Variants in NLE1 observed in about 807,000 individuals in gnomAD.
NLE1 encodes notchless protein homolog 1.
NLE1 carries 37 observed loss-of-function variants against 62.8 expected under a neutral mutation model. That is an observed-to-expected ratio of 0.59 (90% CI 0.45 to 0.78). The LOEUF (loss-of-function observed/expected upper bound fraction) is 0.78. NLE1 is among the 30% of genes least tolerant of loss of function. The pLI, the probability that NLE1 is intolerant of heterozygous loss-of-function variation, is 0.00. For synonymous variants in NLE1, 243 were observed against 253.0 expected (o/e 0.96, Z 0.37); for missense variants, 555 against 637.9 (o/e 0.87, Z 1.40).
Position 35,129,495 on chromosome 17 carries a change from C to T in NLE1, c.*2942G>A. The T allele has an allele frequency of 1.9e-6, 3 of 1,614,220 alleles. No individual in the cohort carries two copies. The highest frequency in any genetic ancestry group is 2.5e-6 in the Non-Finnish European group (3 of 1,180,038). On this transcript the variant is annotated 3_prime_UTR_variant, in exon 13 of 13. Transcript: ENST00000442241. Reference sequence around the variant, plus strand: ...CTCCTGTTACAGGAGGTGGCCAAGACACAGGAGAATGAGTTGCCCGAGGCA... The same window carrying T: ...CTCCTGTTACAGGAGGTGGCCAAGATACAGGAGAATGAGTTGCCCGAGGCA...
At chr17:35,134,682 G>A (rs940050635) in intron 10 of NLE1, among the ~76,000 whole-genome samples, 2 of 152,164 alleles carry the variant, frequency 1.3e-5, no homozygotes, top group Admixed American at 6.5e-5. Flanking sequence ...TTATGGGCAT[G>A]AGCCACCACG....
intron 12 of NLE1, 130 bp from the exon 13 acceptor site, chr17:35,132,579 C>G: frequency 1.3e-6 from 1 of 761,538 alleles, no homozygotes; most frequent in South Asian, 4.3e-5. Flanking sequence ...AGGTGACCGT[C>G]CCTGCTCTGC....
rs1567741835 is a variant in NLE1 at position 35,129,889 on chromosome 17, A to G, written c.*2548T>C. 4 of 1,407,654 alleles carry G rather than the reference A, an allele frequency of 2.8e-6. No individual in the cohort carries two copies. Among genetic ancestry groups the G allele is most frequent in the Non-Finnish European group, 3.7e-6 (4 of 1,083,552 alleles). The allele number at this position is 1,407,654 out of a possible 1,614,324, so 87.2% of individuals were successfully genotyped here. ...AACGAATGTATTTTTCAACATCACT[A>G]TAATGTTCCCCTTCCAAAGCCATTG... is the stretch of plus-strand genomic sequence containing the variant. On this transcript the variant is annotated 3_prime_UTR_variant, in exon 13 of 13. Coordinates refer to ENST00000442241, the MANE Select transcript of NLE1 (RefSeq NM_018096.5).
In NLE1 at chr17:35,130,410, T is replaced by A; in HGVS notation, c.*2027A>T. On this transcript the variant is annotated 3_prime_UTR_variant, in exon 13 of 13. Coordinates refer to ENST00000442241, the MANE Select transcript of NLE1 (RefSeq NM_018096.5). ...CGGAGGAGATGCGGAGGCTGGAGGA[T>A]CTGGAATACCTATTTCCCTGTTAAG... 1 of 1,613,972 alleles carries A rather than the reference T, an allele frequency of 6.2e-7. No homozygotes were observed. Among genetic ancestry groups the A allele is most frequent in the Non-Finnish European group, 8.5e-7 (1 of 1,179,972 alleles).
intron 9 of NLE1, among the ~76,000 whole-genome samples, chr17:35,135,890 C>T (rs897305290): frequency 1.3e-5 from 2 of 151,940 alleles, no homozygotes; most frequent in African/African-American, 4.8e-5. Flanking sequence ...ATTTTTTGAA[C>T]GTGAATGTGT....
Position 35,133,237 on chromosome 17 carries a change from T to C in NLE1, c.1379A>G (p.Tyr460Cys), listed in dbSNP as rs1597888135. 6.2e-7 allele frequency: 1 copy of C among 1,614,132 alleles called. No individual in the cohort carries two copies. Among genetic ancestry groups the C allele is most frequent in the East Asian group, 2.2e-5 (1 of 44,870 alleles). The part of the protein sequence containing the change: ...MDLPGHADEV[Y>C]AVDWSPDGQR... ...GCCATCTGGACTCCAGTCAACAGCA[T>C]ATACCTAAAGGGAGGCAGAGGAAGG... Residue 460 changes from tyrosine to cysteine, a missense_variant, in exon 12 of 13, where the codon TAT (tyrosine) becomes TGT (cysteine). Transcript: ENST00000442241.
intron 7 of NLE1, among the ~76,000 whole-genome samples, 156 bp from the exon 8 acceptor site, chr17:35,136,653 G>A (rs1303712373): frequency 1.3e-5 from 2 of 152,200 alleles, no homozygotes; most frequent in Non-Finnish European, 2.9e-5. Flanking sequence ...CTCCCCACTT[G>A]TAAAATGGAG....
At position 35,142,052 on chromosome 17, in the gene NLE1, C is replaced by T; in HGVS notation, c.89G>A (p.Gly30Asp). The T allele has an allele frequency of 1.2e-6, 2 of 1,612,518 alleles. No homozygotes were observed. The highest frequency in any genetic ancestry group is 1.7e-6 in the Non-Finnish European group (2 of 1,179,822). ...QFQDEGGQLLGSPFDVPVDIT... is the reference protein window; with the variant it reads ...QFQDEGGQLLDSPFDVPVDIT... ...GTCCACGGGCACGTCGAACGGGGAA[C>T]CCAGCAGCTGCCCGCCCTCATCCTG... is the stretch of plus-strand genomic sequence containing the variant. Residue 30 changes from glycine (G) to aspartate (D), a missense_variant, in exon 2 of 13, where the codon GGT (glycine) becomes GAT (aspartate). Transcript: ENST00000442241.
At position 35,129,163 on chromosome 17, in the gene NLE1, T is replaced by A. The variant is rs2091861345; in HGVS notation, c.*3274A>T. 7.2e-6 allele frequency: 3 copies of A among 418,794 alleles called. No homozygotes were observed. The highest frequency in any genetic ancestry group is 1.3e-5 in the Non-Finnish European group (3 of 226,362). 25.9% of individuals were successfully genotyped at this position (418,794 alleles called of 1,614,324 possible). A position where few individuals can be genotyped will look rare whatever the true frequency, so the allele number is the denominator to read the frequency against. On this transcript the variant is annotated 3_prime_UTR_variant, in exon 13 of 13. Transcript: ENST00000442241. ...CTGCTATCAGTTGGTGGCCCAAGGGTTGAGGACCCCTGGCGTATAAGAAAT... is the reference window on the plus strand; with the variant it reads ...CTGCTATCAGTTGGTGGCCCAAGGGATGAGGACCCCTGGCGTATAAGAAAT...
rs1487486038 is a variant in NLE1, at chr17:35,131,985, G to A, written c.*452C>T. On this transcript the variant is annotated 3_prime_UTR_variant, in exon 13 of 13. Coordinates refer to ENST00000442241, the MANE Select transcript of NLE1 (RefSeq NM_018096.5). ...TTTGGCGTAGTCCAGTGCAAGGGCG[G>A]GGGCTGGACAATCTCATTTAGCACA... 1.3e-5 allele frequency: 2 copies of A among 153,156 alleles called. No homozygotes were observed. The highest frequency in any genetic ancestry group is 2.4e-5 in the African/African-American group (1 of 41,490). 9.5% of individuals were successfully genotyped at this position (153,156 alleles called of 1,614,324 possible). A position where few individuals can be genotyped will look rare whatever the true frequency, so the allele number is the denominator to read the frequency against.
In NLE1 at chr17:35,134,914, C is replaced by T. The variant is rs117637917; in HGVS notation, c.1214+335G>A. 3,745 of 400,118 alleles carry T rather than the reference C, an allele frequency of 9.4e-3. 125 individuals are homozygous for T. In the East Asian group the frequency reaches 0.1, roughly 11 times the overall value. 24.8% of individuals were successfully genotyped at this position (400,118 alleles called of 1,614,324 possible). A position where few individuals can be genotyped will look rare whatever the true frequency, so the allele number is the denominator to read the frequency against. ...TAAAAATACAAAAATTAGCCAGGCA[C>T]GGTGGCGGAGGCCTGTAATCCCAGC... On this transcript the variant is annotated intron_variant, in intron 10 of 12. Coordinates refer to ENST00000442241, the MANE Select transcript of NLE1 (RefSeq NM_018096.5).
chr17:35,137,757 C>CGACA, intron 5 of NLE1, 57 bp downstream of exon 5: 1 of 811,048 alleles, frequency 1.2e-6, no homozygotes, highest in South Asian at 1.3e-5. Context: ...TGATTCTGAA[C>CGACA]TGTCTCCTAG....
Position 35,133,430 on chromosome 17 carries a change from A to G in NLE1, c.1283T>C (p.Leu428Pro). ...GCTGTCACTGCTGCCGCTGACCAGGAGCCGACTGTCAGCTGACCACGCAAT... is the reference window on the plus strand; with the variant it reads ...GCTGTCACTGCTGCCGCTGACCAGGGGCCGACTGTCAGCTGACCACGCAAT... Reference protein sequence around the residue: ...YQIAWSADSRLLVSGSSDSTL... With the variant: ...YQIAWSADSRPLVSGSSDSTL... The change falls in exon 11 of 13, where the codon CTC becomes CCC. Residue 428 changes from leucine (L) to proline (P), a missense_variant. By Grantham distance (98) the Leu-to-Pro change is moderately conservative. Transcript: ENST00000442241. The G allele has an allele frequency of 1.9e-6, 3 of 1,614,130 alleles. No homozygotes were observed. The highest frequency in any genetic ancestry group is 2.5e-6 in the Non-Finnish European group (3 of 1,180,016).
At chr17:35,138,924 C>G (rs1567746914) in intron 4 of NLE1, among the ~76,000 whole-genome samples, 1 of 152,028 alleles carries the variant, frequency 6.6e-6, no homozygotes, top group Non-Finnish European at 1.5e-5. Flanking sequence ...AAGTGGCTGG[C>G]TGGGCTCAAG....
chr17:35,129,511 G>A lies in NLE1; in HGVS notation c.*2926C>T. 1.2e-6 allele frequency: 2 copies of A among 1,614,206 alleles called. No homozygotes were observed. Among genetic ancestry groups the A allele is most frequent in the African/African-American group, 1.3e-5 (1 of 75,046 alleles). The stretch of plus-strand genomic sequence containing the variant: ...TGGCCAAGACACAGGAGAATGAGTT[G>A]CCCGAGGCAAAGAATCGTCCATGGA... On this transcript the variant is annotated 3_prime_UTR_variant, in exon 13 of 13. Coordinates refer to ENST00000442241, the MANE Select transcript of NLE1 (RefSeq NM_018096.5).
At chr17:35,135,112 G>C (rs557814647) in intron 10 of NLE1, 137 bp downstream of exon 10, 5 of 778,370 alleles carry the variant, frequency 6.4e-6, no homozygotes, top group Non-Finnish European at 1.1e-5. Flanking sequence ...GAGGTAGGGG[G>C]TCTGCATATT....
Position 35,133,193 on chromosome 17 carries a change from C to T in NLE1, c.1423G>A (p.Gly475Arg). ...CACATCCGGAGGCATTTGTCCTTCC[C>T]ACCACTTGCCACTCTCTGGCCATCT... ...SPDGQRVASG[G>R]KDKCLRIWRR The change falls in exon 12 of 13, where the codon GGG becomes AGG. Residue 475 changes from glycine (G) to arginine (R), a missense_variant. By Grantham distance (125) the Gly-to-Arg change is moderately radical. Coordinates refer to ENST00000442241, the MANE Select transcript of NLE1 (RefSeq NM_018096.5). The T allele has an allele frequency of 6.2e-7, 1 of 1,614,206 alleles. No individual in the cohort carries two copies. Among genetic ancestry groups the T allele is most frequent in the Non-Finnish European group, 8.5e-7 (1 of 1,180,030 alleles).
In NLE1 at chr17:35,130,478, C is replaced by T. The variant is rs1208411263; in HGVS notation, c.*1959G>A. On this transcript the variant is annotated 3_prime_UTR_variant, in exon 13 of 13. Transcript: ENST00000442241. ...ACCCCTCACCTACTTTCAGCTTCAA[C>T]CCCAGGCCCTCAGAAACCAGAGCCA... 1.3e-6 allele frequency: 2 copies of T among 1,587,154 alleles called. No individual in the cohort carries two copies. The highest frequency in any genetic ancestry group is 1.1e-5 in the South Asian group (1 of 88,658).
In NLE1 at chr17:35,130,543, T is replaced by C. The variant is rs3736145; in HGVS notation, c.*1894A>G. The C allele has an allele frequency of 7.3e-3, 8,871 of 1,222,170 alleles. 352 individuals are homozygous for C. The East Asian group carries it at 0.11, about 15-fold the overall frequency. 75.7% of individuals were successfully genotyped at this position (1,222,170 alleles called of 1,614,324 possible). A position where few individuals can be genotyped will look rare whatever the true frequency, so the allele number is the denominator to read the frequency against. On this transcript the variant is annotated 3_prime_UTR_variant, in exon 13 of 13. Coordinates refer to ENST00000442241, the MANE Select transcript of NLE1 (RefSeq NM_018096.5). ...CCACCAGCACCCTGCGGGCCCGGGG[T>C]CTGGCAGAGTGGTATGGGCACCCCA...
Sources: gnomAD v4.1 joint callset for allele counts (sites outside exome capture counted in the v4.1 genomes callset) on GRCh38, gnomAD v4.1.1 for gene constraint, MANE v1.5 for transcripts, NCBI Gene and HGNC (gene_info 2026-07-23, HGNC 2026-07-21) for gene names.